Variants in EAPP observed in about 807,000 individuals in gnomAD.
The protein encoded by EAPP is E2F associated phosphoprotein, also known as E2F-associated phosphoprotein.
Under a neutral mutation model 34.3 loss-of-function variants are expected in EAPP, and 38 were observed. The ratio of observed to expected loss-of-function variants is 1.11; its 90% CI spans 0.85 to 1.45. EAPP has a LOEUF of 1.45. Ranked by LOEUF, EAPP falls within the 40% of genes most tolerant of loss-of-function variation. The probability of loss-of-function intolerance (pLI) is 0.00; values close to 1 mark genes in which losing one functional copy is unlikely to be tolerated. For missense variants in EAPP, 338 were observed against 343.7 expected, an observed-to-expected ratio of 0.98 and a Z score of 0.13; for synonymous variants, 113 against 117.6, an observed-to-expected ratio of 0.96 and a Z score of 0.25.
chr14:34,522,570 T>G (rs1879954084), intron 5 of EAPP, among the ~76,000 whole-genome samples: 1 of 152,206 alleles, frequency 6.6e-6, no homozygotes, highest in African/African-American at 2.4e-5. Context: ...TTAGATATGT[T>G]TGCCTAGAGA....
chr14:34,525,880 C>T (rs1049442239), intron 4 of EAPP, among the ~76,000 whole-genome samples: 5 of 151,556 alleles, frequency 3.3e-5, no homozygotes, highest in Admixed American at 6.6e-5. Flanking sequence ...ATTAGCTGGG[C>T]GTGGTGGCAC....
At chr14:34,517,157 C>G (rs1419621245) in intron 5 of EAPP, among the ~76,000 whole-genome samples, 1 of 151,350 alleles carries the variant, frequency 6.6e-6, no homozygotes, top group Non-Finnish European at 1.5e-5. Flanking sequence ...CCAGGATGGT[C>G]TCGATCTTCT....
intron 4 of EAPP, 45 bp downstream of exon 4, chr14:34,529,313 A>C (rs187629118): frequency 1.5e-6 from 2 of 1,372,674 alleles, no homozygotes; most frequent in African/African-American, 2.9e-5. Context: ...ATCATCTTTC[A>C]ATCTTTTTTT....
At chr14:34,522,887 T>G (rs1158579350) in intron 5 of EAPP, among the ~76,000 whole-genome samples, 1 of 152,124 alleles carries the variant, frequency 6.6e-6, no homozygotes, top group Non-Finnish European at 1.5e-5. Context: ...TCCTATGAGT[T>G]GAGGCAGGGA....
chr14:34,524,764 C>T lies in EAPP; in HGVS notation c.514G>A (p.Val172Ile). The T allele has an allele frequency of 6.2e-7, 1 of 1,613,274 alleles. No individual in the cohort carries two copies. Among genetic ancestry groups the T allele is most frequent in the Non-Finnish European group, 8.5e-7 (1 of 1,179,868 alleles). ...GPQRSRQQQP[V>I]PNSDAVLNCP... is the part of the protein sequence containing the mutation. ...TTCAAGACAGCATCACTATTTGGAA[C>T]AGGCTGTTGTTGACGTGATCTCTGT... Residue 172 changes from valine to isoleucine, a missense_variant, in exon 5 of 6, where the codon GTT (valine) becomes ATT (isoleucine). Val to Ile is a conservative substitution (Grantham distance 29, BLOSUM62 3). Coordinates refer to ENST00000250454, the MANE Select transcript of EAPP (RefSeq NM_018453.4).
intron 2 of EAPP, among the ~76,000 whole-genome samples, chr14:34,535,494 G>A (rs1420311073): frequency 9.7e-5 from 14 of 143,766 alleles, no homozygotes; most frequent in Admixed American, 3.6e-4. Context: ...GTGCAGTGGC[G>A]TGATCTCAGC....
chr14:34,536,563 C>G (rs1880485142), intron 1 of EAPP: 1 of 196,122 alleles, frequency 5.1e-6, no homozygotes, highest in African/African-American at 2.4e-5. Context: ...CTCCCCAGTT[C>G]AAGCAATCCT....
intron 5 of EAPP, among the ~76,000 whole-genome samples, chr14:34,521,332 G>T (rs1216405634): frequency 1.3e-5 from 2 of 152,018 alleles, no homozygotes; most frequent in Non-Finnish European, 2.9e-5. Flanking sequence ...CCGCCTCCCA[G>T]AGTGCTGGGA....
intron 1 of EAPP, among the ~76,000 whole-genome samples, chr14:34,537,315 T>C (rs530999325): frequency 6.6e-6 from 1 of 152,326 alleles, no homozygotes; most frequent in African/African-American, 2.4e-5. Flanking sequence ...CAGACCTGTA[T>C]TATTTCTTAT....
chr14:34,536,256 C>A lies in EAPP; in HGVS notation c.94G>T (p.Val32Leu), dbSNP rs1288531085. Residue 32 changes from valine (V) to leucine (L), a missense_variant, in exon 2 of 6, where the codon GTG becomes TTG. Val to Leu is a conservative substitution (Grantham distance 32). Coordinates refer to ENST00000250454, the MANE Select transcript of EAPP (RefSeq NM_018453.4). ...TGGTCAGGAGTTCCATGTAAAAGCA[C>A]ATCCACTTCATCCTCAGAGCTAGCA... ...ALSSSEDEVD[V>L]LLHGTPDQKR... The A allele has an allele frequency of 8.1e-6, 13 of 1,607,792 alleles. No individual in the cohort carries two copies. The highest frequency in any genetic ancestry group is 1.1e-5 in the Non-Finnish European group (13 of 1,178,222).
chr14:34,518,761 A>T lies in EAPP; in HGVS notation c.582-2175T>A, dbSNP rs143387574. ...GTAAACTTCTTTGTTTCCTTTTTAC[A>T]GTCCTTGATTGTAGTCTGTTTTAAG... is the stretch of plus-strand genomic sequence containing the variant. On this transcript the variant is annotated intron_variant, in intron 5 of 5. Transcript: ENST00000250454. Among the ~76,000 whole-genome samples the T allele has an allele frequency of 3.7e-3, 570 of 152,212 alleles. 1 individual carries two copies. The highest frequency in any genetic ancestry group is 0.013 in the African/African-American group (540 of 41,530).
At chr14:34,528,853 C>T (rs943144993) in intron 4 of EAPP, among the ~76,000 whole-genome samples, 10 of 151,540 alleles carry the variant, frequency 6.6e-5, no homozygotes, top group Non-Finnish European at 1.5e-4. Flanking sequence ...AAACAATTGT[C>T]GGGCTGGATG....
chr14:34,519,947 C>A (rs1423331612), intron 5 of EAPP, among the ~76,000 whole-genome samples: 1 of 150,300 alleles, frequency 6.7e-6, no homozygotes, highest in Non-Finnish European at 1.5e-5. Flanking sequence ...TGCAGTGGCG[C>A]AATCTTGGCT....
chr14:34,523,622 G>C (rs1197766298), intron 5 of EAPP, among the ~76,000 whole-genome samples: 1 of 148,828 alleles, frequency 6.7e-6, no homozygotes, highest in African/African-American at 2.5e-5. Flanking sequence ...CTGCAGTCTT[G>C]AATTCTTGAG....
rs373695356 is a variant in EAPP at position 34,516,360 on chromosome 14, C to T, written c.808G>A (p.Asp270Asn). 13 of 1,613,828 alleles carry T rather than the reference C, an allele frequency of 8.1e-6. No individual in the cohort carries two copies. The highest frequency in any genetic ancestry group is 4.5e-5 in the East Asian group (2 of 44,888). ...AAAAAATGAAAGACTTCATCCTTGT[C>T]GTAGACTGCCACTTCAGTGGAACAT... is the stretch of plus-strand genomic sequence containing the variant. ...TECSTEVAVYDKDEVFHFFNV... is the reference protein window; with the variant it reads ...TECSTEVAVYNKDEVFHFFNV... The change falls in exon 6 of 6, where the codon GAC becomes AAC. Residue 270 changes from aspartate to asparagine, a missense_variant. Asp to Asn is a conservative substitution (Grantham distance 23). Coordinates refer to ENST00000250454, the MANE Select transcript of EAPP (RefSeq NM_018453.4).
At chr14:34,520,436 C>T (rs1200562684) in intron 5 of EAPP, among the ~76,000 whole-genome samples, 1 of 151,988 alleles carries the variant, frequency 6.6e-6, no homozygotes, top group African/African-American at 2.4e-5. Flanking sequence ...CCTTGAACTC[C>T]TGACCTCAGG....
At chr14:34,538,340 G>A (rs1242072965) in intron 1 of EAPP, among the ~76,000 whole-genome samples, 2 of 152,038 alleles carry the variant, frequency 1.3e-5, no homozygotes, top group Non-Finnish European at 2.9e-5. Context: ...GATTGCACCA[G>A]TGCACTCCAG....
intron 5 of EAPP, among the ~76,000 whole-genome samples, chr14:34,523,679 C>A (rs145689852): frequency 6.6e-6 from 1 of 151,866 alleles, no homozygotes; most frequent in South Asian, 2.1e-4. Flanking sequence ...TGGGTCTACA[C>A]GCATACATCA....
intron 5 of EAPP, among the ~76,000 whole-genome samples, chr14:34,523,324 G>A (rs1166353864): frequency 6.2e-5 from 9 of 145,390 alleles, no homozygotes; most frequent in East Asian, 2.1e-4. Context: ...TGTAAGCTCC[G>A]CCTCCTGGGT....
Sources: allele counts gnomAD v4.1 joint callset (sites outside exome capture counted in the v4.1 genomes callset), GRCh38; gene constraint gnomAD v4.1.1; transcripts MANE v1.5; gene names NCBI Gene and HGNC (gene_info 2026-07-23, HGNC 2026-07-21).